Variants in ADD1 observed in about 807,000 individuals in gnomAD.
ADD1 encodes the protein adducin 1, also known as alpha-adducin.
A neutral mutation model predicts 80.5 loss-of-function variants in ADD1; 24 were observed. That is an observed-to-expected ratio of 0.30 (90% confidence interval 0.22 to 0.42). ADD1 has a LOEUF of 0.42. Among genes scored for constraint, ADD1 ranks in the 10% least tolerant of loss-of-function variants. The pLI is 1.00. For missense variants in ADD1, 948 were observed against 1,019.0 expected (o/e 0.93, Z 0.95); for synonymous variants, 373 against 393.8 (o/e 0.95, Z 0.63).
chr4:2,918,772 C>T lies in ADD1; in HGVS notation c.1948+3732C>T, dbSNP rs181456314. 3.0e-4 allele frequency among the ~76,000 whole-genome samples: 45 copies of T among 151,518 alleles called. No individual in the cohort carries two copies. The East Asian group carries it at 6.2e-3, about 21-fold the overall frequency. ...CTTTTTCTGCGTCTATTGAGATAATCATGTGGTTTTTGTCATTGGTTCTAT... is the reference window on the plus strand; with the variant it reads ...CTTTTTCTGCGTCTATTGAGATAATTATGTGGTTTTTGTCATTGGTTCTAT... On this transcript the variant is annotated intron_variant, in intron 14 of 15. Coordinates refer to ENST00000683351, the MANE Select transcript of ADD1 (RefSeq NM_001354761.2).
intron 2 of ADD1, among the ~76,000 whole-genome samples, chr4:2,876,711 C>T (rs976677069): frequency 4.9e-4 from 75 of 151,722 alleles, no homozygotes; most frequent in Non-Finnish European, 9.7e-4. Context: ...TAGTGGCGGG[C>T]GCCTGTAGTC....
intron 6 of ADD1, among the ~76,000 whole-genome samples, chr4:2,897,568 G>T (rs1735465444): frequency 8.5e-6 from 1 of 118,304 alleles, no homozygotes; most frequent in Admixed American, 9.3e-5. Context: ...TTTTTTTTAG[G>T]AGATGAGGGT....
intron 4 of ADD1, among the ~76,000 whole-genome samples, chr4:2,890,870 T>C (rs576555022): frequency 2.0e-5 from 3 of 152,358 alleles, no homozygotes; most frequent in Non-Finnish European, 4.4e-5. Context: ...TAATCTTTTC[T>C]AATTTTCATC....
intron 1 of ADD1, among the ~76,000 whole-genome samples, chr4:2,860,345 A>AT (rs1268897403): frequency 6.6e-6 from 1 of 152,194 alleles, no homozygotes; most frequent in Admixed American, 6.5e-5. Flanking sequence ...ACAAAACCCA[A>AT]TTTGATATGC....
At chr4:2,890,958 G>T (rs1734205479) in intron 4 of ADD1, among the ~76,000 whole-genome samples, 1 of 152,008 alleles carries the variant, frequency 6.6e-6, no homozygotes, top group Admixed American at 6.6e-5. Context: ...TTAGCAATTA[G>T]ACAACTGCTT....
chr4:2,851,149 G>A (rs1727014099), intron 1 of ADD1, among the ~76,000 whole-genome samples: 1 of 152,118 alleles, frequency 6.6e-6, no homozygotes, highest in Admixed American at 6.6e-5. Flanking sequence ...CTGGGCTCAA[G>A]TAATCCTCCC....
chr4:2,848,339 G>A (rs1319815080), intron 1 of ADD1, among the ~76,000 whole-genome samples: 1 of 152,124 alleles, frequency 6.6e-6, no homozygotes, highest in Non-Finnish European at 1.5e-5. Context: ...ATGAGGGGAA[G>A]CACATTTAAT....
chr4:2,888,149 G>A (rs1014223652), intron 4 of ADD1, among the ~76,000 whole-genome samples: 4 of 148,198 alleles, frequency 2.7e-5, no homozygotes, highest in Middle Eastern at 3.8e-3. Flanking sequence ...AACCTCTGCC[G>A]CCTCGGTTCA....
chr4:2,876,713 C>T (rs922484583), intron 2 of ADD1, among the ~76,000 whole-genome samples: 1 of 151,976 alleles, frequency 6.6e-6, no homozygotes, highest in African/African-American at 2.4e-5. Flanking sequence ...GTGGCGGGCG[C>T]CTGTAGTCCC....
intron 3 of ADD1, among the ~76,000 whole-genome samples, chr4:2,883,074 C>G (rs1268896532): frequency 1.3e-5 from 2 of 152,204 alleles, no homozygotes; most frequent in Non-Finnish European, 2.9e-5. Flanking sequence ...GTTGGCCATG[C>G]TGGTCTCAAA....
At chr4:2,873,243 C>T (rs931798487) in intron 1 of ADD1, among the ~76,000 whole-genome samples, 9 of 152,148 alleles carry the variant, frequency 5.9e-5, no homozygotes, top group South Asian at 2.1e-4. Context: ...CCACTTGCCT[C>T]GGCCTCCCAA....
At chr4:2,915,467 C>T (rs1986192) in intron 14 of ADD1, among the ~76,000 whole-genome samples, 25,057 of 152,114 alleles carry the variant, frequency 0.16, 2,710 homozygotes, top group Non-Finnish European at 0.24. Context: ...GATGAAACGC[C>T]GTCTCTAGGA....
At chr4:2,856,082 G>A (rs530526892) in intron 1 of ADD1, among the ~76,000 whole-genome samples, 6 of 148,386 alleles carry the variant, frequency 4.0e-5, no homozygotes, top group Non-Finnish European at 7.4e-5. Flanking sequence ...ATAGAGACGA[G>A]TCTTACTATT....
At chr4:2,880,948 T>G (rs1312054172) in intron 2 of ADD1, among the ~76,000 whole-genome samples, 9 of 152,172 alleles carry the variant, frequency 5.9e-5, no homozygotes, top group Non-Finnish European at 1.3e-4. Flanking sequence ...TAGGGTTTTT[T>G]CCACATTTAA....
intron 1 of ADD1, among the ~76,000 whole-genome samples, chr4:2,871,127 C>A (rs1046811325): frequency 2.0e-5 from 3 of 152,032 alleles, no homozygotes; most frequent in Non-Finnish European, 2.9e-5. Context: ...CGCCACCACA[C>A]CCGGCTAATT....
chr4:2,907,899 C>A, intron 11 of ADD1, 55 bp downstream of exon 11: 1 of 1,436,168 alleles, frequency 7.0e-7, no homozygotes, highest in Non-Finnish European at 9.8e-7. Flanking sequence ...GGAAGGGATG[C>A]CAGCTGCTTT....
At position 2,926,006 on chromosome 4, in the gene ADD1, C is replaced by T. The variant is rs1177679951; in HGVS notation, c.1949-8C>T. The T allele has an allele frequency of 1.2e-6, 2 of 1,613,492 alleles. No individual in the cohort carries two copies. The highest frequency in any genetic ancestry group is 1.7e-6 in the Non-Finnish European group (2 of 1,179,478). ...AGCTCCTACCATATCCTTCTTGCTT[C>T]TCTGCAGAGAATCTGGACGAGGCTA... On this transcript the variant is annotated splice_polypyrimidine_tract_variant and splice_region_variant and intron_variant, in intron 14 of 15. Transcript: ENST00000683351. This position sits in a 1 kb window ranked among gnomAD's most constrained non-coding sequence, Gnocchi z 5.0.
At chr4:2,922,974 G>A (rs953046554) in intron 14 of ADD1, among the ~76,000 whole-genome samples, 32 of 152,314 alleles carry the variant, frequency 2.1e-4, no homozygotes, top group South Asian at 4.1e-4. Context: ...CAGTAATGGT[G>A]GATGCCCCTC....
chr4:2,919,986 A>G (rs558300185), intron 14 of ADD1, among the ~76,000 whole-genome samples: 56 of 152,278 alleles, frequency 3.7e-4, no homozygotes, highest in Non-Finnish European at 6.9e-4. Flanking sequence ...AGTGCTATAA[A>G]TTTCCCTCTA....
Sources: gnomAD v4.1 joint callset for allele counts (sites outside exome capture counted in the v4.1 genomes callset) on GRCh38, gnomAD v4.1.1 for gene constraint, Gnocchi (gnomAD v3.1) non-coding constraint, MANE v1.5 for transcripts, NCBI Gene and HGNC (gene_info 2026-07-23, HGNC 2026-07-21) for gene names.